CNST: variants seen among roughly 807,000 people sequenced by gnomAD.
CNST encodes consortin.
A neutral mutation model predicts 72.4 loss-of-function variants in CNST; 39 were observed. The observed-to-expected ratio is 0.54, with a 90% confidence interval of 0.42 to 0.70. CNST has a LOEUF of 0.70. Ranked by LOEUF, CNST falls within the 30% of genes least tolerant of loss-of-function variation. The pLI is 0.00. For missense variants in CNST, 871 were observed against 868.5 expected, an observed-to-expected ratio of 1.00 and a Z score of -0.04; for synonymous variants, 332 against 320.1, an observed-to-expected ratio of 1.04 and a Z score of -0.40.
chr1:246,576,004 G>A (rs893200319), intron 1 of CNST, among the ~76,000 whole-genome samples: 4 of 151,378 alleles, frequency 2.6e-5, no homozygotes, highest in African/African-American at 9.7e-5. Flanking sequence ...GGAGGCCGAG[G>A]CGAGCAGATC....
chr1:246,604,405 A>T (rs1248701088), intron 2 of CNST, among the ~76,000 whole-genome samples: 1 of 152,192 alleles, frequency 6.6e-6, no homozygotes, highest in South Asian at 2.1e-4. Flanking sequence ...ATGCCATTAA[A>T]TGTGTTTCTC....
chr1:246,651,324 C>T (rs1666435759), intron 9 of CNST, among the ~76,000 whole-genome samples: 1 of 152,122 alleles, frequency 6.6e-6, no homozygotes, highest in African/African-American at 2.4e-5. Context: ...CCAGATCTCC[C>T]TATCATTTCT....
chr1:246,623,969 G>A (rs1327722549), intron 3 of CNST, among the ~76,000 whole-genome samples: 23 of 151,050 alleles, frequency 1.5e-4, no homozygotes, highest in Non-Finnish European at 4.4e-5. Flanking sequence ...ACGCTAAGGT[G>A]GGAGGATTGC....
chr1:246,603,980 T>G (rs923729956), intron 2 of CNST, among the ~76,000 whole-genome samples: 4 of 152,192 alleles, frequency 2.6e-5, no homozygotes, highest in African/African-American at 9.6e-5. Context: ...TCCCACCACT[T>G]TGGGAGGCCT....
intron 2 of CNST, among the ~76,000 whole-genome samples, chr1:246,621,026 C>G (rs1304760664): frequency 6.6e-6 from 1 of 152,230 alleles, no homozygotes; most frequent in Non-Finnish European, 1.5e-5. Flanking sequence ...AATATTAAAA[C>G]TGACACTGAG....
rs762910781 is a variant in CNST, at chr1:246,621,581, C to T, written c.532C>T (p.Arg178Ter). The change falls in exon 3 of 11, where the codon CGA (arginine) becomes TGA (stop). Residue 178 changes from arginine to a stop codon, truncating the protein, a stop_gained. Coordinates refer to ENST00000366513, the MANE Select transcript of CNST (RefSeq NM_152609.3). LOFTEE classifies it high-confidence loss of function. ...LVLQSLFSLI[R>*]GEVEQLDSRA... The stretch of plus-strand genomic sequence containing the variant: ...TCTGCAGTCTCTGTTTTCACTTATA[C>T]GAGGTGAAGTTGAGCAGTTGGATTC... 2.5e-6 allele frequency: 4 copies of T among 1,614,140 alleles called. No individual in the cohort carries two copies. Among genetic ancestry groups the T allele is most frequent in the Non-Finnish European group, 3.4e-6 (4 of 1,180,014 alleles).
In CNST at chr1:246,641,977, T is replaced by C. The variant is rs1558582559; in HGVS notation, c.877T>C (p.Ser293Pro). The change falls in exon 8 of 11, where the codon TCC becomes CCC. Residue 293 changes from serine (S) to proline (P), a missense_variant. Coordinates refer to ENST00000366513, the MANE Select transcript of CNST (RefSeq NM_152609.3). ...GGAGAAGTCCCAGGAAAGGAAATGC[T>C]CCACGCAGTTACTAGTGTCTGAAGA... ...AVEKSQERKC[S>P]TQLLVSEDPK... The C allele has an allele frequency of 6.2e-7, 1 of 1,613,094 alleles. No homozygotes were observed. Among genetic ancestry groups the C allele is most frequent in the African/African-American group, 1.3e-5 (1 of 74,982 alleles).
rs1667458909 is a variant in CNST at position 246,668,091 on chromosome 1, G to A, written c.*2186G>A. ...ATAACGATGTTTTGACTTACAATAGGCATGAAATCGCAACTAGAAAAATTA... is the reference window on the plus strand; with the variant it reads ...ATAACGATGTTTTGACTTACAATAGACATGAAATCGCAACTAGAAAAATTA... On this transcript the variant is annotated 3_prime_UTR_variant, in exon 11 of 11. Coordinates refer to ENST00000366513, the MANE Select transcript of CNST (RefSeq NM_152609.3). 1 of 152,144 alleles carries A rather than the reference G, an allele frequency of 6.6e-6. No individual in the cohort carries two copies. The highest frequency in any genetic ancestry group is 2.4e-5 in the African/African-American group (1 of 41,420). 9.4% of individuals were successfully genotyped at this position (152,144 alleles called of 1,614,324 possible). A position where few individuals can be genotyped will look rare whatever the true frequency, so the allele number is the denominator to read the frequency against.
intron 9 of CNST, among the ~76,000 whole-genome samples, chr1:246,659,391 G>T (rs555845740): frequency 2.0e-5 from 3 of 152,098 alleles, no homozygotes; most frequent in African/African-American, 7.2e-5. Context: ...TCAGGAGATC[G>T]AGACCATCCT....
At chr1:246,626,540 C>T (rs1228892460) in intron 3 of CNST, among the ~76,000 whole-genome samples, 1 of 140,776 alleles carries the variant, frequency 7.1e-6, no homozygotes, top group Non-Finnish European at 1.5e-5. Context: ...TCACTACAAC[C>T]TCCGCTTCCC....
chr1:246,605,769 G>GCGTGTCTTCCGGCCGGGGTGC (rs1662720354), intron 2 of CNST: 1 of 46,768 alleles, frequency 2.1e-5, no homozygotes, highest in African/African-American at 7.9e-5. Context: ...GGCCGGGGTA[G>GCGTGTCTTCCGGCCGGGGTGC]GTGTCTTCCG....
At chr1:246,662,429 G>A (rs1337280337) in intron 10 of CNST, among the ~76,000 whole-genome samples, 3 of 152,006 alleles carry the variant, frequency 2.0e-5, no homozygotes. Flanking sequence ...TCACTCTGTC[G>A]CCCGGCTGGA....
intron 2 of CNST, among the ~76,000 whole-genome samples, chr1:246,611,301 C>T (rs569883496): frequency 8.5e-5 from 13 of 152,284 alleles, no homozygotes; most frequent in African/African-American, 3.1e-4. Flanking sequence ...TTGTTTTTCA[C>T]AGTTCTAAGA....
chr1:246,649,862 C>A (rs906007823), intron 9 of CNST, among the ~76,000 whole-genome samples: 1 of 150,502 alleles, frequency 6.6e-6, no homozygotes, highest in African/African-American at 2.4e-5. Flanking sequence ...CAGAGCAATT[C>A]TTTGAGTTTT....
At chr1:246,627,024 A>C (rs1664484491) in intron 3 of CNST, among the ~76,000 whole-genome samples, 1 of 152,080 alleles carries the variant, frequency 6.6e-6, no homozygotes, top group African/African-American at 2.4e-5. Flanking sequence ...ATATACCCAG[A>C]ACTTCTTACC....
intron 1 of CNST, 78 bp from the exon 2 acceptor site, chr1:246,591,434 A>G: frequency 9.7e-7 from 1 of 1,032,304 alleles, no homozygotes; most frequent in South Asian, 1.6e-5. Flanking sequence ...ACAACCTAAG[A>G]GAAGGGGAAA....
chr1:246,602,263 CTT>C (rs569973503), intron 2 of CNST, among the ~76,000 whole-genome samples: 5 of 152,214 alleles, frequency 3.3e-5, no homozygotes, highest in Non-Finnish European at 7.3e-5. Context: ...CGTAACAAAA[CTT>C]AGCAGCTGAA....
chr1:246,636,581 G>C (rs997166636), intron 6 of CNST, among the ~76,000 whole-genome samples: 9 of 152,172 alleles, frequency 5.9e-5, no homozygotes, highest in Non-Finnish European at 1.3e-4. Context: ...TGATTTTCAG[G>C]GGTAGTTGTT....
chr1:246,637,343 A>C (rs1023490446), intron 6 of CNST, among the ~76,000 whole-genome samples: 5 of 152,202 alleles, frequency 3.3e-5, no homozygotes, highest in Non-Finnish European at 7.3e-5. Flanking sequence ...CTGTGCCTGC[A>C]AGACAGTTAT....
Sources: gnomAD v4.1 joint callset for allele counts (sites outside exome capture counted in the v4.1 genomes callset) on GRCh38, gnomAD v4.1.1 for gene constraint, MANE v1.5 for transcripts, NCBI Gene and HGNC (gene_info 2026-07-23, HGNC 2026-07-21) for gene names.